Variants in CACNA1A observed in about 807,000 individuals in gnomAD.
The protein encoded by CACNA1A is calcium voltage-gated channel subunit alpha1 A.
In CACNA1A, 57 loss-of-function variants were observed where a neutral mutation model predicts 262.4. That is an observed-to-expected ratio of 0.22 (90% CI 0.18 to 0.27). The LOEUF (loss-of-function observed/expected upper bound fraction) is 0.27. Ranked by LOEUF, CACNA1A falls within the 10% of genes least tolerant of loss-of-function variation. The pLI is 1.00. For missense variants in CACNA1A, 2,526 were observed against 3,562.8 expected, an observed-to-expected ratio of 0.71 and a Z score of 7.41; for synonymous variants, 1,431 against 1,419.3, an observed-to-expected ratio of 1.01 and a Z score of -0.18.
chr19:13,265,728 G>C (rs2056846534), intron 24 of CACNA1A, among the ~76,000 whole-genome samples: 2 of 152,122 alleles, frequency 1.3e-5, no homozygotes, highest in South Asian at 4.1e-4. Flanking sequence ...TTGCGAGAAA[G>C]GAAGCCTCAG....
intron 6 of CACNA1A, among the ~76,000 whole-genome samples, chr19:13,340,470 A>G (rs1476141154): frequency 1.5e-5 from 2 of 135,468 alleles, no homozygotes; most frequent in East Asian, 4.4e-4. Context: ...TCTGTCACCC[A>G]GGCTGGAGTG....
chr19:13,208,134 G>C, intron 46 of CACNA1A, 81 bp from the exon 47 acceptor site: 1 of 779,212 alleles, frequency 1.3e-6, no homozygotes, highest in South Asian at 5.7e-5. Flanking sequence ...GAGGAAGAGA[G>C]GGGAGCGAAG....
chr19:13,361,044 C>T (rs2059102603), intron 5 of CACNA1A, among the ~76,000 whole-genome samples: 1 of 152,160 alleles, frequency 6.6e-6, no homozygotes, highest in Admixed American at 6.5e-5. Flanking sequence ...CTTCTTCCGA[C>T]ATCCATTAGG....
In CACNA1A at chr19:13,212,649, A is replaced by G; in HGVS notation, c.6032T>C (p.Leu2011Pro). The G allele has an allele frequency of 6.6e-7, 1 of 1,518,672 alleles. No individual in the cohort carries two copies. The highest frequency in any genetic ancestry group is 8.8e-7 in the Non-Finnish European group (1 of 1,130,996). The allele number at this position is 1,518,672 out of a possible 1,614,324, so 94.1% of individuals were successfully genotyped here. The change falls in exon 41 of 47, where the codon CTG becomes CCG. Residue 2011 changes from leucine to proline, a missense_variant. Physicochemically the swap from Leu to Pro is moderately conservative, Grantham distance 98. Around this residue, in one of 17 missense-constraint regions of CACNA1A, gnomAD observed 929 missense variants for 868.1 expected, o/e 1.07. Transcript: ENST00000360228. This position sits in a 1 kb window ranked among gnomAD's most constrained non-coding sequence, Gnocchi z 5.6. ...PGQNALPSTQ[L>P]DPGGALMAHE... Reference sequence around the variant, plus strand: ...CACTCACAGGGCTCCTCCTGGGTCCAGCTGGGTGGAGGGGAGGGCGTTCTG... The same window carrying G: ...CACTCACAGGGCTCCTCCTGGGTCCGGCTGGGTGGAGGGGAGGGCGTTCTG...
chr19:13,350,307 T>C (rs1320052276), intron 6 of CACNA1A, among the ~76,000 whole-genome samples: 2 of 152,162 alleles, frequency 1.3e-5, no homozygotes, highest in Non-Finnish European at 2.9e-5. Flanking sequence ...GAACTCCAGT[T>C]ACCTGCTAAA....
chr19:13,211,451 C>A, intron 43 of CACNA1A: 1 of 153,594 alleles, frequency 6.5e-6, no homozygotes, highest in Non-Finnish European at 1.5e-5. Flanking sequence ...CACAGACACA[C>A]ATCAAGCACA....
chr19:13,214,171 C>G lies in CACNA1A; in HGVS notation c.5940+62G>C. 1 of 1,366,344 alleles carries G rather than the reference C, an allele frequency of 7.3e-7. No individual in the cohort carries two copies. The highest frequency in any genetic ancestry group is 2.4e-5 in the East Asian group (1 of 41,160). The allele number at this position is 1,366,344 out of a possible 1,614,324, so 84.6% of individuals were successfully genotyped here. A position where few individuals can be genotyped will look rare whatever the true frequency, so the allele number is the denominator to read the frequency against. On this transcript the variant is annotated intron_variant, in intron 40 of 46. Transcript: ENST00000360228. This position sits in a 1 kb window ranked among gnomAD's most constrained non-coding sequence, Gnocchi z 4.1. ...GCCACCCTCATATTCCAGTTGGTTC[C>G]CGTGGTGACATGCAAGCCACTGTCC...
intron 3 of CACNA1A, among the ~76,000 whole-genome samples, chr19:13,422,750 G>A (rs1219098759): frequency 1.3e-5 from 2 of 152,148 alleles, no homozygotes; most frequent in East Asian, 1.9e-4. Flanking sequence ...ATGTAACTGA[G>A]CCCCAATAAA....
rs974515720 is a variant in CACNA1A, at chr19:13,293,439, C to CTTTTTTT, written c.3089+5098_3089+5104dup. Among the ~76,000 whole-genome samples, 565 of 80,906 alleles carry CTTTTTTT rather than the reference C, an allele frequency of 7.0e-3. 26 individuals are homozygous for CTTTTTTT. Among genetic ancestry groups the CTTTTTTT allele is most frequent in the East Asian group, 0.011 (23 of 2,026 alleles). The allele number at this position is 80,906 out of a possible 152,430, so 53.1% of individuals were successfully genotyped here. ...TTTACACGTACTAACTCAGTTAAAT[C>CTTTTTTT]TTTTTTTTTTTTTTTTTTTTTTTTG... is the stretch of plus-strand genomic sequence containing the variant. On this transcript the variant is annotated intron_variant, in intron 19 of 46. Transcript: ENST00000360228.
At chr19:13,412,624 C>T (rs1003022478) in intron 3 of CACNA1A, among the ~76,000 whole-genome samples, 3 of 151,674 alleles carry the variant, frequency 2.0e-5, no homozygotes, top group African/African-American at 4.8e-5. Flanking sequence ...ACTACAGGCG[C>T]GTGCCACCAT....
intron 9 of CACNA1A, among the ~76,000 whole-genome samples, chr19:13,331,863 T>C (rs1186026622): frequency 6.6e-6 from 1 of 151,868 alleles, no homozygotes; most frequent in East Asian, 1.9e-4. Context: ...CCTCATTATG[T>C]TGCCCAGGCT....
chr19:13,399,833 G>C (rs1345013184), intron 3 of CACNA1A, among the ~76,000 whole-genome samples: 1 of 152,198 alleles, frequency 6.6e-6, no homozygotes, highest in African/African-American at 2.4e-5. Context: ...CAATAGGAAA[G>C]GGCCATGGGG....
intron 6 of CACNA1A, among the ~76,000 whole-genome samples, chr19:13,339,401 G>T (rs541513105): frequency 3.4e-4 from 52 of 152,282 alleles, no homozygotes; most frequent in Middle Eastern, 3.4e-3. Context: ...CGCGTTTAGT[G>T]GGGACAGAGT....
In CACNA1A at chr19:13,206,874, A is replaced by AGAT. The variant is rs1039103307; in HGVS notation, c.*436_*438dup. On this transcript the variant is annotated 3_prime_UTR_variant, in exon 47 of 47. Coordinates refer to ENST00000360228, the MANE Select transcript of CACNA1A (RefSeq NM_001127222.2). The stretch of plus-strand genomic sequence containing the variant: ...CAGCTGTCTTCATCAGGGAAAGGAA[A>AGAT]GATTCAATTGAGATGATAAAACTCA... 2 of 153,446 alleles carry AGAT rather than the reference A, an allele frequency of 1.3e-5. No individual in the cohort carries two copies. The highest frequency in any genetic ancestry group is 4.9e-5 in the African/African-American group (2 of 40,996). 9.5% of individuals were successfully genotyped at this position (153,446 alleles called of 1,614,324 possible).
chr19:13,282,351 G>A (rs1397186475), intron 22 of CACNA1A, among the ~76,000 whole-genome samples: 1 of 151,932 alleles, frequency 6.6e-6, no homozygotes, highest in Non-Finnish European at 1.5e-5. Flanking sequence ...AGCTGGGGAG[G>A]GAAACAGGAG....
At chr19:13,403,771 GCAAA>G (rs200020218) in intron 3 of CACNA1A, among the ~76,000 whole-genome samples, 18 of 151,650 alleles carry the variant, frequency 1.2e-4, no homozygotes, top group Admixed American at 5.3e-4. Context: ...CCCCATCTCT[GCAAA>G]CAAACAAACA....
chr19:13,301,390 C>T (rs1352221231), intron 17 of CACNA1A, among the ~76,000 whole-genome samples: 3 of 152,180 alleles, frequency 2.0e-5, no homozygotes, highest in Non-Finnish European at 2.9e-5. Flanking sequence ...GCCTGGCATC[C>T]GATGGCCCCT....
intron 43 of CACNA1A, 166 bp from the exon 44 acceptor site, chr19:13,210,818 A>G (rs1021701461): frequency 9.2e-6 from 7 of 758,220 alleles, no homozygotes; most frequent in Non-Finnish European, 1.4e-5. Context: ...AGGAAAAGAA[A>G]AGTTAAAGTC....
chr19:13,493,454 C>T lies in CACNA1A; in HGVS notation c.293+12478G>A, dbSNP rs913678733. ...CCCCCTCCCCCTACATTCGTGACAA[C>T]CAAAAACGTCTCCAGACATTGCCAA... is the stretch of plus-strand genomic sequence containing the variant. On this transcript the variant is annotated intron_variant, in intron 1 of 46. Transcript: ENST00000360228. 3.9e-4 allele frequency among the ~76,000 whole-genome samples: 60 copies of T among 152,240 alleles called. 2 individuals are homozygous for T. The highest frequency in any genetic ancestry group is 2.7e-4 in the African/African-American group (11 of 41,462).
Sources: gnomAD v4.1 joint callset for allele counts (sites outside exome capture counted in the v4.1 genomes callset) on GRCh38, gnomAD v4.1.1 for gene constraint, gnomAD v4.1.1 regional missense constraint, Gnocchi (gnomAD v3.1) non-coding constraint, MANE v1.5 for transcripts, NCBI Gene and HGNC (gene_info 2026-07-23, HGNC 2026-07-21) for gene names.